TRAPPC9: variants seen among roughly 807,000 people sequenced by gnomAD.
TRAPPC9 encodes IKK2 binding protein.
TRAPPC9 carries 83 observed loss-of-function variants against 124.0 expected under a neutral mutation model. That is an observed-to-expected ratio of 0.67 (90% CI 0.56 to 0.80). The LOEUF is 0.80. Among genes scored for constraint, TRAPPC9 ranks in the 30% least tolerant of loss-of-function variants. The pLI, the probability that TRAPPC9 is intolerant of heterozygous loss-of-function variation, is 0.00. For missense variants in TRAPPC9, 1,302 were observed against 1,508.3 expected (o/e 0.86, Z 2.27); for synonymous variants, 638 against 617.5 (o/e 1.03, Z -0.49).
At position 140,104,866 on chromosome 8, in the gene TRAPPC9, A is replaced by G. The variant is rs2060636155; in HGVS notation, c.2557-80787T>C. Among the ~76,000 whole-genome samples, 1 of 152,222 alleles carries G rather than the reference A, an allele frequency of 6.6e-6. No homozygotes were observed. Among genetic ancestry groups the G allele is most frequent in the African/African-American group, 2.4e-5 (1 of 41,452 alleles). ...TCCTCTTTCTAACCCTTTTAGAAACAGTGTTAATGGCGACATTTAACGACA... is the reference window on the plus strand; with the variant it reads ...TCCTCTTTCTAACCCTTTTAGAAACGGTGTTAATGGCGACATTTAACGACA... On this transcript the variant is annotated intron_variant, in intron 17 of 22. Coordinates refer to ENST00000438773, the MANE Select transcript of TRAPPC9 (RefSeq NM_001160372.4). This position sits in a 1 kb window ranked among gnomAD's most constrained non-coding sequence, Gnocchi z 4.0.
intron 17 of TRAPPC9, among the ~76,000 whole-genome samples, chr8:140,198,567 C>A (rs1457370937): frequency 6.6e-6 from 1 of 152,140 alleles, no homozygotes; most frequent in Non-Finnish European, 1.5e-5. Context: ...CTGGCTTTCA[C>A]CAAGTTATCC....
chr8:139,863,267 G>A (rs183543033), intron 21 of TRAPPC9, among the ~76,000 whole-genome samples: 2 of 152,356 alleles, frequency 1.3e-5, no homozygotes, highest in African/African-American at 4.8e-5. Context: ...CCAGGACTCA[G>A]TGAGCAGGCC....
intron 19 of TRAPPC9, among the ~76,000 whole-genome samples, chr8:139,941,913 C>T (rs368327302): frequency 1.1e-4 from 17 of 152,170 alleles, no homozygotes; most frequent in East Asian, 3.9e-4. Context: ...TCTGAAGGAG[C>T]CCCATGGGGA....
rs1328306948 is a variant in TRAPPC9, at chr8:140,444,773, G to T, written c.585-5576C>A. ...TAGCTACTTAGGAGGCAAGGCTGGA[G>T]AATCACTTGAACCGGGGAGGCGGAG... On this transcript the variant is annotated intron_variant, in intron 2 of 22. Transcript: ENST00000438773. Among the ~76,000 whole-genome samples the T allele has an allele frequency of 1.4e-4, 21 of 151,030 alleles. 1 individual carries two copies. The highest frequency in any genetic ancestry group is 1.4e-3 in the Admixed American group (21 of 15,112).
intron 17 of TRAPPC9, among the ~76,000 whole-genome samples, chr8:140,125,594 T>TTTTTTC (rs1563779988): frequency 7.5e-5 from 10 of 132,998 alleles, no homozygotes; most frequent in African/African-American, 2.7e-4. Flanking sequence ...ATTCTTTTTT[T>TTTTTTC]TTTTTTTTTT....
rs1449768476 is a variant in TRAPPC9 at position 139,962,746 on chromosome 8, C to T, written c.2810+25980G>A. Among the ~76,000 whole-genome samples the T allele has an allele frequency of 2.4e-5, 3 of 123,944 alleles. 1 individual carries two copies. Among genetic ancestry groups the T allele is most frequent in the African/African-American group, 5.1e-5 (2 of 39,110 alleles). 81.3% of individuals were successfully genotyped at this position (123,944 alleles called of 152,430 possible). On this transcript the variant is annotated intron_variant, in intron 19 of 22. Transcript: ENST00000438773. ...CAAGAACCCACCAGAGCTCCCTCCC[C>T]TGTCAGCTCAGGGAGGCCCAGCATC... is the stretch of plus-strand genomic sequence containing the variant.
Position 140,049,085 on chromosome 8 carries a change from C to T in TRAPPC9, c.2557-25006G>A, listed in dbSNP as rs372297959. 9.2e-5 allele frequency among the ~76,000 whole-genome samples: 14 copies of T among 152,264 alleles called. No individual in the cohort carries two copies. In the East Asian group the frequency reaches 2.3e-3, roughly 25 times the overall value. ...GCCCACAGCAACATCTGATTCCCCG[C>T]GATGACGGAACTGGCCCCATCCCTT... On this transcript the variant is annotated intron_variant, in intron 17 of 22. Transcript: ENST00000438773.
intron 18 of TRAPPC9, among the ~76,000 whole-genome samples, chr8:140,021,593 G>T (rs924498098): frequency 2.0e-5 from 3 of 152,118 alleles, no homozygotes; most frequent in African/African-American, 7.2e-5. Context: ...TTTTATTTCT[G>T]ATGGATGAGC....
intron 18 of TRAPPC9, among the ~76,000 whole-genome samples, chr8:140,021,017 T>TA (rs1465478802): frequency 2.0e-5 from 3 of 152,220 alleles, no homozygotes; most frequent in Non-Finnish European, 2.9e-5. Context: ...CAATTTCTTA[T>TA]AAAAAAGGTA....
intron 21 of TRAPPC9, among the ~76,000 whole-genome samples, chr8:139,779,185 CA>C (rs1440281338): frequency 1.3e-5 from 2 of 152,056 alleles, no homozygotes; most frequent in Non-Finnish European, 2.9e-5. Flanking sequence ...AGAGAAGTGA[CA>C]GGGGACAACA....
At chr8:140,253,682 G>A (rs7841395) in intron 15 of TRAPPC9, among the ~76,000 whole-genome samples, 33,187 of 148,866 alleles carry the variant, frequency 0.22, 3,927 homozygotes, top group African/African-American at 0.31. Flanking sequence ...CATCTCAAAA[G>A]AAAAAAAAAA....
chr8:139,913,261 C>G (rs1159345310), intron 19 of TRAPPC9, among the ~76,000 whole-genome samples: 1 of 152,232 alleles, frequency 6.6e-6, no homozygotes. Flanking sequence ...ATGTAAGGAG[C>G]ACTTGCTGTG....
intron 21 of TRAPPC9, among the ~76,000 whole-genome samples, chr8:139,755,835 A>G: frequency 7.2e-6 from 1 of 138,556 alleles, no homozygotes; most frequent in African/African-American, 2.8e-5. Flanking sequence ...AGGTCGCAGG[A>G]GGAGCCAGGG....
chr8:140,338,399 T>C (rs2067100427), intron 9 of TRAPPC9, among the ~76,000 whole-genome samples: 1 of 152,170 alleles, frequency 6.6e-6, no homozygotes, highest in Non-Finnish European at 1.5e-5. Context: ...TTGCAGGTCA[T>C]AAAAATTAAT....
At chr8:140,092,047 A>G (rs1388883790) in intron 17 of TRAPPC9, among the ~76,000 whole-genome samples, 1 of 148,462 alleles carries the variant, frequency 6.7e-6, no homozygotes, top group Admixed American at 6.7e-5. Flanking sequence ...CCTGCCGGCC[A>G]GCTCCACTTA....
At chr8:140,112,901 C>G (rs73361122) in intron 17 of TRAPPC9, among the ~76,000 whole-genome samples, 2,345 of 148,592 alleles carry the variant, frequency 0.016, 64 homozygotes, top group African/African-American at 0.055. Flanking sequence ...AGTGCAGTGG[C>G]GCAAACTCAG....
intron 17 of TRAPPC9, 47 bp downstream of exon 17, chr8:140,221,412 G>A (rs1054600623): frequency 1.2e-6 from 2 of 1,612,302 alleles, no homozygotes; most frequent in African/African-American, 1.3e-5. Flanking sequence ...CGGCTTTGCA[G>A]AAGCCCGAAC....
chr8:140,393,472 A>G (rs1394525518), intron 7 of TRAPPC9, among the ~76,000 whole-genome samples: 1 of 152,232 alleles, frequency 6.6e-6, no homozygotes, highest in Non-Finnish European at 1.5e-5. Context: ...TATCTTAGAT[A>G]GATAATTATC....
At chr8:140,416,429 TAGAC>T (rs995716498) in intron 5 of TRAPPC9, among the ~76,000 whole-genome samples, 7 of 151,932 alleles carry the variant, frequency 4.6e-5, no homozygotes, top group African/African-American at 1.4e-4. Context: ...GACACAATAA[TAGAC>T]AGAGAGCCAA....
Sources: allele counts gnomAD v4.1 joint callset (sites outside exome capture counted in the v4.1 genomes callset), GRCh38; gene constraint gnomAD v4.1.1; non-coding constraint Gnocchi (gnomAD v3.1); transcripts MANE v1.5; gene names NCBI Gene and HGNC (gene_info 2026-07-23, HGNC 2026-07-21).